Variants in PRKAG2 observed in about 807,000 individuals in gnomAD.
The protein encoded by PRKAG2 is protein kinase AMP-activated non-catalytic subunit gamma 2, also known as 5'-AMP-activated protein kinase subunit gamma-2.
PRKAG2 carries 26 observed loss-of-function variants against 69.6 expected under a neutral mutation model. The ratio of observed to expected loss-of-function variants is 0.37; its 90% CI spans 0.27 to 0.52. PRKAG2 has a LOEUF of 0.52. Ranked by LOEUF, PRKAG2 falls within the 20% of genes least tolerant of loss-of-function variation. The probability of loss-of-function intolerance (pLI) is 0.90; values close to 1 mark genes in which losing one functional copy is unlikely to be tolerated. For missense variants in PRKAG2, 557 were observed against 740.0 expected (o/e 0.75, Z 2.87); for synonymous variants, 293 against 285.0 (o/e 1.03, Z -0.28).
chr7:151,672,081 AGCCACC>A (rs1832128900), intron 4 of PRKAG2, among the ~76,000 whole-genome samples: 1 of 148,534 alleles, frequency 6.7e-6, no homozygotes, highest in South Asian at 2.1e-4. Context: ...TACAGGCGTG[AGCCACC>A]TCTCCCGGCC....
chr7:151,558,705 C>G, intron 15 of PRKAG2: 1 of 985,304 alleles, frequency 1.0e-6, no homozygotes, highest in Non-Finnish European at 1.2e-6. Flanking sequence ...AATTCCAACC[C>G]AGCTACCCCC....
chr7:151,616,421 T>C (rs79227891), intron 5 of PRKAG2, among the ~76,000 whole-genome samples: 3,412 of 152,270 alleles, frequency 0.022, 132 homozygotes, highest in East Asian at 0.19. Context: ...AAATAGTGGA[T>C]AGGAAGCAGG....
intron 2 of PRKAG2, among the ~76,000 whole-genome samples, chr7:151,785,293 A>T (rs2076945382): frequency 6.6e-6 from 1 of 152,186 alleles, no homozygotes; most frequent in Non-Finnish European, 1.5e-5. Flanking sequence ...CACTGGAAAG[A>T]AGGGTTTTGC....
intron 3 of PRKAG2, among the ~76,000 whole-genome samples, chr7:151,690,210 C>A (rs1457880002): frequency 6.6e-6 from 1 of 152,158 alleles, no homozygotes; most frequent in Admixed American, 6.5e-5. Flanking sequence ...ACCACTCATC[C>A]CGAGGGAGGT....
intron 1 of PRKAG2, among the ~76,000 whole-genome samples, chr7:151,824,508 G>A (rs1310753274): frequency 6.6e-6 from 1 of 152,096 alleles, no homozygotes; most frequent in Non-Finnish European, 1.5e-5. Flanking sequence ...GCCTCTGTGT[G>A]GAGCCCCTCC....
At position 151,864,485 on chromosome 7, in the gene PRKAG2, TA is replaced by T. The variant is rs1000066126; in HGVS notation, c.114+12021del. Reference sequence around the variant, plus strand: ...ACACCTGGCAGGTACCCTGCAACCCTAGAGGGGAGGTCTCCTGGCCCAGTTC... The same window carrying T: ...ACACCTGGCAGGTACCCTGCAACCCTGAGGGGAGGTCTCCTGGCCCAGTTC... On this transcript the variant is annotated intron_variant, in intron 1 of 15. Transcript: ENST00000287878. Among the ~76,000 whole-genome samples the T allele has an allele frequency of 7.7e-4, 118 of 152,274 alleles. 2 individuals carry two copies. Among genetic ancestry groups the T allele is most frequent in the African/African-American group, 2.8e-3 (115 of 41,560 alleles).
intron 1 of PRKAG2, among the ~76,000 whole-genome samples, chr7:151,816,281 A>G (rs2078637762): frequency 6.6e-6 from 1 of 151,954 alleles, no homozygotes. Context: ...CACAAGCCTG[A>G]GCTCTGCACT....
chr7:151,568,673 A>C, intron 11 of PRKAG2, 43 bp downstream of exon 11: 1 of 1,601,932 alleles, frequency 6.2e-7, no homozygotes, highest in Non-Finnish European at 8.5e-7. Context: ...TTATTTAATA[A>C]GTAAATGCAA....
Position 151,786,902 on chromosome 7 carries a change from C to T in PRKAG2, c.115-361G>A, listed in dbSNP as rs115939784. 9.4e-3 allele frequency among the ~76,000 whole-genome samples: 1,424 copies of T among 152,292 alleles called. 20 individuals carry two copies. Among genetic ancestry groups the T allele is most frequent in the African/African-American group, 0.033 (1,351 of 41,568 alleles). ...ATGGACATGATTTTACCCCACAGCA[C>T]GGAACATGGGTCCAGGGACATGTGT... is the stretch of plus-strand genomic sequence containing the variant. On this transcript the variant is annotated intron_variant, in intron 1 of 15. Coordinates refer to ENST00000287878, the MANE Select transcript of PRKAG2 (RefSeq NM_016203.4).
At chr7:151,795,379 C>T (rs1389542669) in intron 1 of PRKAG2, among the ~76,000 whole-genome samples, 1 of 152,148 alleles carries the variant, frequency 6.6e-6, no homozygotes, top group Non-Finnish European at 1.5e-5. Flanking sequence ...GTGGCCTGGG[C>T]TGCAGGTTGC....
chr7:151,754,726 G>A (rs1286731366), intron 3 of PRKAG2, among the ~76,000 whole-genome samples: 1 of 24,838 alleles, frequency 4.0e-5, no homozygotes, highest in African/African-American at 1.6e-4. Context: ...CGCCGCACCT[G>A]ACTCCCCACC....
chr7:151,564,336 AT>A, intron 13 of PRKAG2, 112 bp from the exon 14 acceptor site: 1 of 1,136,282 alleles, frequency 8.8e-7, no homozygotes, highest in African/African-American at 1.5e-5. Flanking sequence ...GCTTATCTGA[AT>A]TTAGTACCTG....
intron 5 of PRKAG2, among the ~76,000 whole-genome samples, chr7:151,601,999 T>C (rs1267109369): frequency 6.6e-6 from 1 of 152,206 alleles, no homozygotes; most frequent in Non-Finnish European, 1.5e-5. Context: ...CTCAAAACAC[T>C]GATAGACTAG....
rs1438467937 is a variant in PRKAG2, at chr7:151,850,256, A to G, written c.114+26251T>C. 6.6e-6 allele frequency among the ~76,000 whole-genome samples: 1 copy of G among 152,232 alleles called. No homozygotes were observed. The highest frequency in any genetic ancestry group is 1.5e-5 in the Non-Finnish European group (1 of 68,036). ...CCGGGTGGGCCCAGGAGAAACCTGG[A>G]GGTACAGTCCCCTCACCTAGAACGC... On this transcript the variant is annotated intron_variant, in intron 1 of 15. Transcript: ENST00000287878. This position sits in a 1 kb window ranked among gnomAD's most constrained non-coding sequence, Gnocchi z 4.1.
At chr7:151,802,632 G>C (rs2077898627) in intron 1 of PRKAG2, among the ~76,000 whole-genome samples, 1 of 152,206 alleles carries the variant, frequency 6.6e-6, no homozygotes, top group African/African-American at 2.4e-5. Context: ...CAGGCTATCT[G>C]TGTGCCCAGC....
In PRKAG2 at chr7:151,848,555, G is replaced by A. The variant is rs532038558; in HGVS notation, c.114+27952C>T. Among the ~76,000 whole-genome samples, 153 of 106,446 alleles carry A rather than the reference G, an allele frequency of 1.4e-3. 4 individuals are homozygous for A. In the South Asian group the frequency reaches 0.035, roughly 25 times the overall value. 69.8% of individuals were successfully genotyped at this position (106,446 alleles called of 152,430 possible). A position where few individuals can be genotyped will look rare whatever the true frequency, so the allele number is the denominator to read the frequency against. Reference sequence around the variant, plus strand: ...TTTTTTTTTTTTGAGATGGAGCTTCGCTCTTGTTGCCCAGGCTGGAGGGCA... The same window carrying A: ...TTTTTTTTTTTTGAGATGGAGCTTCACTCTTGTTGCCCAGGCTGGAGGGCA... On this transcript the variant is annotated intron_variant, in intron 1 of 15. Transcript: ENST00000287878.
intron 3 of PRKAG2, among the ~76,000 whole-genome samples, chr7:151,752,299 G>T (rs370637549): frequency 3.9e-5 from 6 of 152,196 alleles, no homozygotes; most frequent in Non-Finnish European, 8.8e-5. Flanking sequence ...ACTAACACAG[G>T]AACAGAAAAC....
At chr7:151,626,360 A>T (rs914364405) in intron 5 of PRKAG2, among the ~76,000 whole-genome samples, 2 of 152,220 alleles carry the variant, frequency 1.3e-5, no homozygotes. Context: ...ATGTGTACCT[A>T]GACCCTACAG....
intron 1 of PRKAG2, among the ~76,000 whole-genome samples, chr7:151,803,027 A>C (rs2077925056): frequency 6.6e-6 from 1 of 151,228 alleles, no homozygotes; most frequent in African/African-American, 2.4e-5. Context: ...GTGTGATCTC[A>C]GCTCACTGCA....
Sources: gnomAD v4.1 joint callset for allele counts (sites outside exome capture counted in the v4.1 genomes callset) on GRCh38, gnomAD v4.1.1 for gene constraint, Gnocchi (gnomAD v3.1) non-coding constraint, MANE v1.5 for transcripts, NCBI Gene and HGNC (gene_info 2026-07-23, HGNC 2026-07-21) for gene names.